The following AOPEP variants were observed in gnomAD, a reference collection of about 807,000 sequenced individuals.
The protein encoded by AOPEP is aminopeptidase O.
A neutral mutation model predicts 98.1 loss-of-function variants in AOPEP; 77 were observed. That is an observed-to-expected ratio of 0.78 (90% CI 0.65 to 0.95). The LOEUF is 0.95. AOPEP is among the 40% of genes least tolerant of loss of function. The pLI is 0.00. For missense variants in AOPEP, 1,024 were observed against 1,024.7 expected, an observed-to-expected ratio of 1.00 and a Z score of 0.01; for synonymous variants, 346 against 365.3, an observed-to-expected ratio of 0.95 and a Z score of 0.60.
intron 5 of AOPEP, among the ~76,000 whole-genome samples, chr9:94,917,694 G>A (rs77639886): frequency 0.016 from 2,389 of 152,132 alleles, 64 homozygotes; most frequent in African/African-American, 0.055. Context: ...CCTAACCTCA[G>A]TTTCTCTCTC....
At position 94,968,307 on chromosome 9, in the gene AOPEP, G is replaced by A. The variant is rs1777559071; in HGVS notation, c.1916+506G>A. 2.6e-5 allele frequency among the ~76,000 whole-genome samples: 4 copies of A among 152,096 alleles called. No homozygotes were observed. In the South Asian group the frequency reaches 8.3e-4, roughly 32 times the overall value. On this transcript the variant is annotated intron_variant, in intron 10 of 16. Transcript: ENST00000375315. ...TCTGTCACCCAGGATGGAGTGTGGTGGCAAGATCTCGGTTCACTGCAAACT... is the reference window on the plus strand; with the variant it reads ...TCTGTCACCCAGGATGGAGTGTGGTAGCAAGATCTCGGTTCACTGCAAACT...
intron 9 of AOPEP, among the ~76,000 whole-genome samples, chr9:94,960,988 T>C (rs1275666546): frequency 7.1e-6 from 1 of 140,932 alleles, no homozygotes; most frequent in African/African-American, 2.8e-5. Flanking sequence ...CACTCCGGCC[T>C]GGGCGACAGA....
chr9:94,920,082 G>GT (rs2053399482), intron 5 of AOPEP: 1 of 152,160 alleles, frequency 6.6e-6, no homozygotes, highest in Non-Finnish European at 1.5e-5. Context: ...GAGGTTGGGA[G>GT]TTTGAGAGGG....
chr9:94,829,555 T>C (rs1352580815), intron 5 of AOPEP, among the ~76,000 whole-genome samples: 1 of 152,200 alleles, frequency 6.6e-6, no homozygotes, highest in Admixed American at 6.5e-5. Context: ...GCCACGCCCA[T>C]GATGCCAGGG....
At chr9:94,794,998 A>G (rs1204013189) in intron 4 of AOPEP, among the ~76,000 whole-genome samples, 1 of 152,228 alleles carries the variant, frequency 6.6e-6, no homozygotes, top group Admixed American at 6.5e-5. Flanking sequence ...GAATTGATAC[A>G]GTAGCCATTA....
intron 13 of AOPEP, among the ~76,000 whole-genome samples, chr9:95,025,423 TTG>T (rs1284002887): frequency 1.3e-5 from 2 of 152,232 alleles, no homozygotes; most frequent in African/African-American, 4.8e-5. Flanking sequence ...GCTCAGTGCC[TTG>T]TCAGACAGAC....
At chr9:94,819,292 T>G (rs1319944053) in intron 5 of AOPEP, among the ~76,000 whole-genome samples, 1 of 152,200 alleles carries the variant, frequency 6.6e-6, no homozygotes, top group Non-Finnish European at 1.5e-5. Context: ...TGATGGAAAC[T>G]TCTGAAAGAA....
the AOPEP span, chr9:95,107,642 C>T: frequency 2.5e-6 from 1 of 393,576 alleles, no homozygotes; most frequent in Non-Finnish European, 4.8e-6. Flanking sequence ...ATTAAAGCCC[C>T]ACGCAGTCAG....
chr9:95,073,306 T>A (rs2068688302), intron 14 of AOPEP, among the ~76,000 whole-genome samples: 1 of 152,096 alleles, frequency 6.6e-6, no homozygotes, highest in Non-Finnish European at 1.5e-5. Flanking sequence ...TGGGGCCTGG[T>A]TAGAGCAGCT....
At position 94,924,129 on chromosome 9, in the gene AOPEP, G is replaced by C. The variant is rs745709222; in HGVS notation, c.1508G>C (p.Gly503Ala). ...RDWTEEWLSE[G>A]FATHLEDVFW... ...TGGACGGAGGAGTGGCTGAGTGAAG[G>C]CTTCGCCACTCACTTGGAGGATGTG... Residue 503 changes from glycine (G) to alanine (A), a missense_variant, in exon 6 of 17, where the codon GGC (glycine) becomes GCC (alanine). This residue lies in a region of AOPEP where 566 missense variants were observed against 551.7 expected (regional missense o/e 1.03). Coordinates refer to ENST00000375315, the MANE Select transcript of AOPEP (RefSeq NM_001193329.3). 6.0e-6 allele frequency: 9 copies of C among 1,495,288 alleles called. No homozygotes were observed. Among genetic ancestry groups the C allele is most frequent in the African/African-American group, 1.4e-5 (1 of 70,868 alleles). 92.6% of individuals were successfully genotyped at this position (1,495,288 alleles called of 1,614,324 possible). A position where few individuals can be genotyped will look rare whatever the true frequency, so the allele number is the denominator to read the frequency against.
At position 94,766,278 on chromosome 9, in the gene AOPEP, C is replaced by T. The variant is rs772675247; in HGVS notation, c.797+5698C>T. On this transcript the variant is annotated intron_variant, in intron 2 of 16. Coordinates refer to ENST00000375315, the MANE Select transcript of AOPEP (RefSeq NM_001193329.3). Reference sequence around the variant, plus strand: ...CATTGGCCCGGTGCAGCGGCTCACGCGTGTAATCCCAGCACTTTGGGAGGC... The same window carrying T: ...CATTGGCCCGGTGCAGCGGCTCACGTGTGTAATCCCAGCACTTTGGGAGGC... Among the ~76,000 whole-genome samples, 8 of 152,322 alleles carry T rather than the reference C, an allele frequency of 5.3e-5. No homozygotes were observed. In the South Asian group the frequency reaches 6.2e-4, roughly 12 times the overall value.
At chr9:95,029,724 A>G (rs1330802910) in intron 13 of AOPEP, among the ~76,000 whole-genome samples, 1 of 152,230 alleles carries the variant, frequency 6.6e-6, no homozygotes, top group Non-Finnish European at 1.5e-5. Context: ...TGAGAATTTA[A>G]AAAGGAAAGT....
chr9:94,801,937 G>A (rs1180986440), intron 5 of AOPEP, among the ~76,000 whole-genome samples: 1 of 152,184 alleles, frequency 6.6e-6, no homozygotes, highest in African/African-American at 2.4e-5. Context: ...GTAAAACCAT[G>A]AGCAGAAAAG....
chr9:94,738,447 G>A (rs1432499749), intron 1 of AOPEP, among the ~76,000 whole-genome samples: 1 of 152,130 alleles, frequency 6.6e-6, no homozygotes, highest in Non-Finnish European at 1.5e-5. Flanking sequence ...TTCTCTGGCG[G>A]TTTTCAGAGG....
chr9:95,031,574 C>G (rs371760630), intron 13 of AOPEP, among the ~76,000 whole-genome samples: 4 of 152,156 alleles, frequency 2.6e-5, no homozygotes, highest in Admixed American at 2.0e-4. Flanking sequence ...CAGTGGCCAA[C>G]TGGTGGGGAG....
chr9:94,755,067 C>A (rs909730758), intron 1 of AOPEP, among the ~76,000 whole-genome samples: 1 of 152,118 alleles, frequency 6.6e-6, no homozygotes, highest in Non-Finnish European at 1.5e-5. Flanking sequence ...AAAATACATA[C>A]CACATAGCAC....
chr9:95,089,384 G>A (rs1010483181), downstream of AOPEP, among the ~76,000 whole-genome samples: 1 of 152,230 alleles, frequency 6.6e-6, no homozygotes, highest in South Asian at 2.1e-4. Flanking sequence ...TGTCTGCACG[G>A]GACATAGTAG....
chr9:94,741,504 C>T (rs965041989), intron 1 of AOPEP, among the ~76,000 whole-genome samples: 13 of 152,046 alleles, frequency 8.6e-5, no homozygotes, highest in African/African-American at 3.1e-4. Flanking sequence ...ATCTCCTGAC[C>T]TCGTCATCTG....
chr9:95,081,205 C>T (rs1298361006), intron 15 of AOPEP, among the ~76,000 whole-genome samples: 3 of 152,196 alleles, frequency 2.0e-5, no homozygotes, highest in African/African-American at 4.8e-5. Context: ...CTGTGCTAGG[C>T]GGGTTTCCTT....
Sources: allele counts gnomAD v4.1 joint callset (sites outside exome capture counted in the v4.1 genomes callset), GRCh38; gene constraint gnomAD v4.1.1; regional missense constraint gnomAD v4.1.1; transcripts MANE v1.5; gene names NCBI Gene and HGNC (gene_info 2026-07-23, HGNC 2026-07-21).